CWC15: variants seen among roughly 807,000 people sequenced by gnomAD.
The protein encoded by CWC15 is CWC15 spliceosome associated protein, also known as spliceosome-associated protein CWC15 homolog.
Under a neutral mutation model 28.4 loss-of-function variants are expected in CWC15, and 12 were observed. That is an observed-to-expected ratio of 0.42 (90% CI 0.27 to 0.69). The LOEUF (loss-of-function observed/expected upper bound fraction) is 0.69, where lower values mean the gene tolerates loss of function less well. CWC15 is among the 30% of genes least tolerant of loss of function. The pLI, the probability that CWC15 is intolerant of heterozygous loss-of-function variation, is 0.23. For synonymous variants in CWC15, 92 were observed against 88.4 expected, an observed-to-expected ratio of 1.04 and a Z score of -0.23; for missense variants, 192 against 271.5, an observed-to-expected ratio of 0.71 and a Z score of 2.06.
intron 4 of CWC15, chr11:94,970,341 G>A (rs782671042): frequency 1.8e-5 from 6 of 334,334 alleles, no homozygotes; most frequent in Non-Finnish European, 2.7e-5. Context: ...TAACTATTAT[G>A]AGTAACTCCA....
chr11:94,967,910 G>GTA (rs1555095563), intron 5 of CWC15, among the ~76,000 whole-genome samples: 1 of 152,172 alleles, frequency 6.6e-6, no homozygotes, highest in Non-Finnish European at 1.5e-5. Context: ...AGGAGCTTAA[G>GTA]TATACCATAT....
At position 94,963,290 on chromosome 11, in the gene CWC15, CA is replaced by C. The variant is rs587661713; in HGVS notation, c.*94del. On this transcript the variant is annotated 3_prime_UTR_variant, in exon 7 of 7. Transcript: ENST00000279839. Reference sequence around the variant, plus strand: ...GTTTAAAACTGGGGAAGCCCACACACAATTTAGACAGGGGAAAAGAAAAAAA... The same window carrying C: ...GTTTAAAACTGGGGAAGCCCACACACATTTAGACAGGGGAAAAGAAAAAAA... The C allele has an allele frequency of 4.5e-4, 455 of 1,017,030 alleles. 9 individuals carry two copies. In the South Asian group the frequency reaches 9.1e-3, roughly 20 times the overall value. The allele number at this position is 1,017,030 out of a possible 1,614,324, so 63.0% of individuals were successfully genotyped here.
At chr11:94,963,799 T>G (rs1857600721) in intron 6 of CWC15, among the ~76,000 whole-genome samples, 1 of 152,212 alleles carries the variant, frequency 6.6e-6, no homozygotes, top group Admixed American at 6.5e-5. Flanking sequence ...TTTAATTGCA[T>G]AAATATTTAA....
chr11:94,963,334 C>A lies in CWC15; in HGVS notation c.*51G>T. On this transcript the variant is annotated 3_prime_UTR_variant, in exon 7 of 7. Transcript: ENST00000279839. Reference sequence around the variant, plus strand: ...GAAAAAAAAAACTCATAAAAAAAGTCAGAATGATCCTTTACGTTTTACAGT... The same window carrying A: ...GAAAAAAAAAACTCATAAAAAAAGTAAGAATGATCCTTTACGTTTTACAGT... 5.0e-6 allele frequency: 7 copies of A among 1,397,606 alleles called. No individual in the cohort carries two copies. The highest frequency in any genetic ancestry group is 3.0e-5 in the Admixed American group (1 of 33,742). 86.6% of individuals were successfully genotyped at this position (1,397,606 alleles called of 1,614,324 possible).
At chr11:94,970,768 T>G in intron 4 of CWC15, 1 of 553,972 alleles carries the variant, frequency 1.8e-6, no homozygotes, top group African/African-American at 1.9e-5. Flanking sequence ...TTTGGTTCTC[T>G]AGAGATCAAA....
intron 6 of CWC15, among the ~76,000 whole-genome samples, chr11:94,966,019 T>A (rs587654036): frequency 4.6e-5 from 7 of 152,332 alleles, no homozygotes; most frequent in African/African-American, 1.7e-4. Flanking sequence ...CTGTCCCTAG[T>A]GCTTACATCA....
chr11:94,973,160 CG>C (rs1555096497), intron 1 of CWC15: 1 of 152,402 alleles, frequency 6.6e-6, no homozygotes, highest in Non-Finnish European at 1.5e-5. Context: ...CACACACCCA[CG>C]GAATTATCAC....
intron 6 of CWC15, among the ~76,000 whole-genome samples, chr11:94,965,680 G>C (rs975656551): frequency 2.0e-5 from 3 of 152,198 alleles, no homozygotes; most frequent in Non-Finnish European, 4.4e-5. Context: ...GCCACTCCCA[G>C]TAAAAACCTT....
rs1857593700 is a variant in CWC15, at chr11:94,963,317, A to G, written c.*68T>C. ...ATTTAGACAGGGGAAAAGAAAAAAA[A>G]AACTCATAAAAAAAGTCAGAATGAT... On this transcript the variant is annotated 3_prime_UTR_variant, in exon 7 of 7. Coordinates refer to ENST00000279839, the MANE Select transcript of CWC15 (RefSeq NM_016403.4). 1.5e-6 allele frequency: 2 copies of G among 1,333,136 alleles called. No homozygotes were observed. Among genetic ancestry groups the G allele is most frequent in the Non-Finnish European group, 9.9e-7 (1 of 1,007,980 alleles). 82.6% of individuals were successfully genotyped at this position (1,333,136 alleles called of 1,614,324 possible). A position where few individuals can be genotyped will look rare whatever the true frequency, so the allele number is the denominator to read the frequency against.
At chr11:94,967,860 C>T (rs1160349152) in intron 5 of CWC15, among the ~76,000 whole-genome samples, 2 of 152,060 alleles carry the variant, frequency 1.3e-5, no homozygotes, top group Non-Finnish European at 2.9e-5. Context: ...TATACCGATG[C>T]TTAAAGGGAA....
rs587766732 is a variant in CWC15, at chr11:94,972,214, A to G, written c.-8-21T>C. ...TTATGCTTTGAAGAAAAATATAATC[A>G]AGTTATTTCCAACATTACAAACACT... On this transcript the variant is annotated intron_variant, in intron 1 of 6. Coordinates refer to ENST00000279839, the MANE Select transcript of CWC15 (RefSeq NM_016403.4). The G allele has an allele frequency of 9.3e-5, 150 of 1,606,258 alleles. 1 individual carries two copies. In the South Asian group the frequency reaches 1.5e-3, roughly 16 times the overall value.
chr11:94,967,926 A>G (rs1857667965), intron 5 of CWC15, among the ~76,000 whole-genome samples: 1 of 152,210 alleles, frequency 6.6e-6, no homozygotes, highest in Admixed American at 6.5e-5. Flanking sequence ...CATATATCCA[A>G]ACTTATAATG....
chr11:94,970,691 A>G (rs1316265697), intron 4 of CWC15: 4 of 383,950 alleles, frequency 1.0e-5, no homozygotes, highest in Non-Finnish European at 1.9e-5. Flanking sequence ...ACACAGCAGT[A>G]GTGCAGTAGT....
At chr11:94,973,023 G>A (rs1287677645) in intron 1 of CWC15, among the ~76,000 whole-genome samples, 1 of 148,974 alleles carries the variant, frequency 6.7e-6, no homozygotes, top group African/African-American at 2.5e-5. Context: ...GTGTGGGGAG[G>A]GTGGGCGAAT....
At chr11:94,971,124 T>C in intron 3 of CWC15, 59 bp from the exon 4 acceptor site, 1 of 1,463,342 alleles carries the variant, frequency 6.8e-7, no homozygotes, top group Non-Finnish European at 9.6e-7. Context: ...TCTTAAAATG[T>C]TTTAGGGACC....
intron 1 of CWC15, among the ~76,000 whole-genome samples, chr11:94,972,493 T>G (rs1270557695): frequency 6.6e-6 from 1 of 152,174 alleles, no homozygotes; most frequent in Non-Finnish European, 1.5e-5. Flanking sequence ...TTGTCATCTG[T>G]GGAATGGAGA....
chr11:94,968,136 A>G (rs79847132), intron 5 of CWC15, among the ~76,000 whole-genome samples: 2,110 of 152,292 alleles, frequency 0.014, 23 homozygotes, highest in Middle Eastern at 0.027. Context: ...GTTTTTGTAA[A>G]TATTTTATTG....
intron 3 of CWC15, 27 bp downstream of exon 3, chr11:94,971,348 G>C (rs587610205): frequency 6.6e-7 from 1 of 1,524,708 alleles, no homozygotes; most frequent in South Asian, 1.2e-5. Context: ...AATTTTATGA[G>C]ACAAATGTCT....
chr11:94,970,799 A>C (rs1375431693), intron 4 of CWC15, 178 bp downstream of exon 4: 1 of 599,828 alleles, frequency 1.7e-6, no homozygotes, highest in African/African-American at 1.9e-5. Flanking sequence ...AAGTCCCACA[A>C]AATAATACTT....
Sources: gnomAD v4.1 joint callset for allele counts (sites outside exome capture counted in the v4.1 genomes callset) on GRCh38, gnomAD v4.1.1 for gene constraint, MANE v1.5 for transcripts, NCBI Gene and HGNC (gene_info 2026-07-23, HGNC 2026-07-21) for gene names.